The following TRPM1 variants were observed in gnomAD, a reference collection of about 807,000 sequenced individuals.
The protein encoded by TRPM1 is TRPM1-203 APA Isoform, Intron 10.
A neutral mutation model predicts 149.4 loss-of-function variants in TRPM1; 113 were observed. That is an observed-to-expected ratio of 0.76 (90% CI 0.65 to 0.88). TRPM1 has a LOEUF of 0.88. Among genes scored for constraint, TRPM1 ranks in the 40% least tolerant of loss-of-function variants. The pLI, the probability that TRPM1 is intolerant of heterozygous loss-of-function variation, is 0.00. For missense variants in TRPM1, 1,976 were observed against 2,038.7 expected, an observed-to-expected ratio of 0.97 and a Z score of 0.59; for synonymous variants, 741 against 759.5, an observed-to-expected ratio of 0.98 and a Z score of 0.40.
chr15:31,132,079 T>TA (rs1186455867), intron 1 of TRPM1, among the ~76,000 whole-genome samples: 4 of 152,130 alleles, frequency 2.6e-5, no homozygotes, highest in African/African-American at 9.7e-5. Flanking sequence ...AGCCAGCTGT[T>TA]ACGCCGTGTT....
At chr15:31,135,282 C>T (rs2036073746) in intron 1 of TRPM1, among the ~76,000 whole-genome samples, 1 of 152,082 alleles carries the variant, frequency 6.6e-6, no homozygotes, top group Admixed American at 6.5e-5. Flanking sequence ...GAAGGTTACA[C>T]ACCACCATAG....
chr15:31,076,866 CTGGTTTG>C, intron 3 of TRPM1, 32 bp downstream of exon 3: 1 of 1,458,894 alleles, frequency 6.9e-7, no homozygotes, highest in Non-Finnish European at 9.6e-7. Context: ...CAGACAAGCA[CTGGTTTG>C]GATAATGTCT....
intron 1 of TRPM1, among the ~76,000 whole-genome samples, chr15:31,147,898 C>T (rs190595434): frequency 8.5e-5 from 13 of 152,342 alleles, no homozygotes; most frequent in Non-Finnish European, 1.5e-5. Context: ...GCCTGCCAAT[C>T]ATGGTGGCTT....
At chr15:31,154,129 T>C (rs907829504) in intron 1 of TRPM1, among the ~76,000 whole-genome samples, 2 of 152,278 alleles carry the variant, frequency 1.3e-5, no homozygotes, top group Non-Finnish European at 2.9e-5. Flanking sequence ...ATTTAACAAT[T>C]AAAGAAAACT....
At chr15:31,068,264 G>A (rs997047962) in intron 4 of TRPM1, among the ~76,000 whole-genome samples, 172 bp from the exon 5 acceptor site, 1 of 152,240 alleles carries the variant, frequency 6.6e-6, no homozygotes, top group African/African-American at 2.4e-5. Flanking sequence ...GAACTTTGGA[G>A]AGGATTGTCA....
chr15:31,121,507 T>A (rs1397038348), intron 1 of TRPM1, among the ~76,000 whole-genome samples: 1 of 152,118 alleles, frequency 6.6e-6, no homozygotes, highest in Non-Finnish European at 1.5e-5. Context: ...GCTGATCCAA[T>A]GGACATTAAA....
chr15:31,109,786 G>A (rs1019851236), intron 1 of TRPM1, among the ~76,000 whole-genome samples: 3 of 152,120 alleles, frequency 2.0e-5, no homozygotes, highest in Admixed American at 6.6e-5. Flanking sequence ...TTGAGGAAAG[G>A]GGGCACTTTA....
intron 1 of TRPM1, among the ~76,000 whole-genome samples, chr15:31,142,214 T>A (rs2036171450): frequency 6.6e-6 from 1 of 152,212 alleles, no homozygotes; most frequent in Admixed American, 6.5e-5. Flanking sequence ...CCTCTCTGCA[T>A]CTAAATCATT....
At chr15:31,154,797 A>G (rs2036346465) in intron 1 of TRPM1, among the ~76,000 whole-genome samples, 1 of 151,992 alleles carries the variant, frequency 6.6e-6, no homozygotes, top group African/African-American at 2.4e-5. Context: ...TGCTGGTACC[A>G]CCCAGATCAA....
intron 11 of TRPM1, among the ~76,000 whole-genome samples, chr15:31,054,536 C>A (rs904798245): frequency 6.6e-6 from 1 of 152,162 alleles, no homozygotes; most frequent in East Asian, 1.9e-4. Context: ...CTCAGGTGAT[C>A]CACCCGCCTC....
At chr15:31,007,299 A>G (rs2032025826) in intron 27 of TRPM1, among the ~76,000 whole-genome samples, 1 of 152,120 alleles carries the variant, frequency 6.6e-6, no homozygotes, top group African/African-American at 2.4e-5. Context: ...GAAATCAATT[A>G]TCTCTATTTG....
At chr15:31,032,585 A>G (rs1454854981) in intron 22 of TRPM1, 104 bp downstream of exon 22, 56 of 1,439,696 alleles carry the variant, frequency 3.9e-5, no homozygotes, top group Non-Finnish European at 5.0e-5. Context: ...CCAACTGCAA[A>G]AGAAAAACCA....
intron 1 of TRPM1, among the ~76,000 whole-genome samples, chr15:31,100,395 C>A (rs1239548040): frequency 1.3e-5 from 2 of 151,920 alleles, no homozygotes; most frequent in Non-Finnish European, 2.9e-5. Context: ...TTTCATTCCT[C>A]CCTACCTCCC....
At chr15:31,041,299 C>T (rs1243741200) in intron 17 of TRPM1, among the ~76,000 whole-genome samples, 2 of 151,820 alleles carry the variant, frequency 1.3e-5, no homozygotes, top group Non-Finnish European at 2.9e-5. Flanking sequence ...GGACTACAGG[C>T]GCCCGCCACT....
At chr15:31,112,662 C>G (rs927235212) in intron 1 of TRPM1, among the ~76,000 whole-genome samples, 1 of 152,080 alleles carries the variant, frequency 6.6e-6, no homozygotes, top group African/African-American at 2.4e-5. Flanking sequence ...TCAGAGATAG[C>G]TCTTAGAGTA....
At chr15:31,128,551 A>G (rs1333678126) in intron 1 of TRPM1, among the ~76,000 whole-genome samples, 1 of 152,116 alleles carries the variant, frequency 6.6e-6, no homozygotes, top group Non-Finnish European at 1.5e-5. Context: ...CAGGTGCCAC[A>G]ACCCCCTTCC....
chr15:31,060,684 C>A, intron 10 of TRPM1, 40 bp from the exon 11 acceptor site: 1 of 1,555,878 alleles, frequency 6.4e-7, no homozygotes, highest in Non-Finnish European at 8.8e-7. Flanking sequence ...TCACTCCACG[C>A]CTGGACCGCC....
At chr15:31,080,007 T>A (rs1311445072) in intron 2 of TRPM1, among the ~76,000 whole-genome samples, 1 of 152,122 alleles carries the variant, frequency 6.6e-6, no homozygotes, top group African/African-American at 2.4e-5. Context: ...CCCTTCAGCA[T>A]GAAAATAAAT....
At chr15:31,078,815 T>C (rs28451564) in intron 2 of TRPM1, among the ~76,000 whole-genome samples, 1 of 152,078 alleles carries the variant, frequency 6.6e-6, no homozygotes, top group Non-Finnish European at 1.5e-5. Flanking sequence ...CCTTGTTTTT[T>C]ATAACATAGG....
Sources: allele counts gnomAD v4.1 joint callset (sites outside exome capture counted in the v4.1 genomes callset), GRCh38; gene constraint gnomAD v4.1.1; transcripts MANE v1.5; gene names NCBI Gene and HGNC (gene_info 2026-07-23, HGNC 2026-07-21).